Variants in LRRC4C observed in about 807,000 individuals in gnomAD.
LRRC4C encodes the protein leucine-rich repeat-containing protein 4C.
A neutral mutation model predicts 33.6 loss-of-function variants in LRRC4C; 5 were observed. The observed-to-expected ratio is 0.15, with a 90% CI of 0.08 to 0.31. LRRC4C has a LOEUF of 0.31. Among genes scored for constraint, LRRC4C ranks in the 10% least tolerant of loss-of-function variants. LRRC4C has a pLI of 1.00. For missense variants in LRRC4C, 560 were observed against 796.7 expected (o/e 0.70, Z 3.58); for synonymous variants, 329 against 302.0 (o/e 1.09, Z -0.93).
intron 2 of LRRC4C, among the ~76,000 whole-genome samples, chr11:40,894,765 T>C (rs1592018152): frequency 6.6e-6 from 1 of 152,096 alleles, no homozygotes; most frequent in Non-Finnish European, 1.5e-5. Context: ...TCTTCACCTA[T>C]CGACAGTCCA....
At chr11:40,326,096 A>G (rs1946089028) in intron 3 of LRRC4C, among the ~76,000 whole-genome samples, 1 of 151,234 alleles carries the variant, frequency 6.6e-6, no homozygotes, top group African/African-American at 2.4e-5. Flanking sequence ...ATTTTGTTGC[A>G]CTTAGGTTAT....
chr11:41,300,553 TTA>T (rs1347242234), intron 1 of LRRC4C, among the ~76,000 whole-genome samples: 1 of 152,182 alleles, frequency 6.6e-6, no homozygotes, highest in Non-Finnish European at 1.5e-5. Context: ...GTGTCAATCT[TTA>T]TGAACAATTC....
chr11:40,364,278 A>G (rs1199556975), intron 3 of LRRC4C, among the ~76,000 whole-genome samples: 5 of 152,144 alleles, frequency 3.3e-5, no homozygotes, highest in African/African-American at 1.2e-4. Flanking sequence ...CGTTGAGCTG[A>G]CCTAGACCAA....
intron 3 of LRRC4C, among the ~76,000 whole-genome samples, chr11:40,570,250 C>T (rs7944117): frequency 0.34 from 51,033 of 151,800 alleles, 8,716 homozygotes; most frequent in Middle Eastern, 0.4. Context: ...GTATATTTTA[C>T]ACACACCACT....
chr11:40,769,756 C>T (rs1439356614), intron 2 of LRRC4C, among the ~76,000 whole-genome samples: 1 of 152,050 alleles, frequency 6.6e-6, no homozygotes, highest in Non-Finnish European at 1.5e-5. Flanking sequence ...GTAAATGGTG[C>T]TAGAAATACT....
intron 2 of LRRC4C, among the ~76,000 whole-genome samples, chr11:40,779,213 A>G (rs1950125445): frequency 6.6e-6 from 1 of 151,942 alleles, no homozygotes; most frequent in African/African-American, 2.4e-5. Context: ...AAGAGAAGAG[A>G]CTCAAAGATG....
chr11:41,184,507 C>T (rs1269042781), intron 1 of LRRC4C, among the ~76,000 whole-genome samples: 2 of 152,136 alleles, frequency 1.3e-5, no homozygotes, highest in African/African-American at 4.8e-5. Context: ...ACTTTTGTTC[C>T]AGTTGCCAAC....
intron 1 of LRRC4C, among the ~76,000 whole-genome samples, chr11:41,212,588 CT>C (rs1946868577): frequency 6.6e-6 from 1 of 152,194 alleles, no homozygotes; most frequent in African/African-American, 2.4e-5. Context: ...CTTCCCACCC[CT>C]CCCCTCAACA....
intron 3 of LRRC4C, among the ~76,000 whole-genome samples, chr11:40,501,693 CA>C (rs1954781020): frequency 6.6e-6 from 1 of 152,138 alleles, no homozygotes; most frequent in African/African-American, 2.4e-5. Flanking sequence ...GCCCAGCCCA[CA>C]AGACCATTTT....
intron 3 of LRRC4C, among the ~76,000 whole-genome samples, chr11:40,595,920 A>T (rs1398538409): frequency 6.6e-6 from 1 of 152,166 alleles, no homozygotes; most frequent in Non-Finnish European, 1.5e-5. Flanking sequence ...ACGGGGTAGT[A>T]CTTGAAAAAC....
chr11:41,274,370 G>A (rs191477570), intron 1 of LRRC4C, among the ~76,000 whole-genome samples: 1 of 152,198 alleles, frequency 6.6e-6, no homozygotes, highest in Non-Finnish European at 1.5e-5. Context: ...AATCAGAAAA[G>A]TCACTACTAT....
At chr11:41,426,042 T>G (rs1183447162) in intron 1 of LRRC4C, among the ~76,000 whole-genome samples, 1 of 152,180 alleles carries the variant, frequency 6.6e-6, no homozygotes, top group Non-Finnish European at 1.5e-5. Flanking sequence ...GATAGATTTG[T>G]GACTTCACAG....
chr11:40,136,294 CT>C (rs1423056797), intron 6 of LRRC4C, among the ~76,000 whole-genome samples: 1 of 151,920 alleles, frequency 6.6e-6, no homozygotes, highest in African/African-American at 2.4e-5. Flanking sequence ...GATATGGAGT[CT>C]TCGCTCTGTC....
intron 2 of LRRC4C, among the ~76,000 whole-genome samples, chr11:40,790,876 C>G (rs1002686812): frequency 2.6e-5 from 4 of 152,152 alleles, no homozygotes; most frequent in Admixed American, 2.6e-4. Context: ...ATTTTTGTTT[C>G]TCTCTGATGG....
chr11:41,350,398 T>C (rs1193551122), intron 1 of LRRC4C, among the ~76,000 whole-genome samples: 2 of 150,944 alleles, frequency 1.3e-5, no homozygotes, highest in Non-Finnish European at 2.9e-5. Context: ...TAGTCCCAGC[T>C]ACTCGGGAGG....
At chr11:40,608,225 G>T (rs1199722205) in intron 3 of LRRC4C, among the ~76,000 whole-genome samples, 1 of 152,132 alleles carries the variant, frequency 6.6e-6, no homozygotes, top group Non-Finnish European at 1.5e-5. Context: ...ATTCAAAGCT[G>T]TAATTCGTGA....
intron 1 of LRRC4C, among the ~76,000 whole-genome samples, chr11:41,246,239 G>A (rs573800989): frequency 6.6e-6 from 1 of 152,086 alleles, no homozygotes; most frequent in Admixed American, 6.5e-5. Context: ...CAGGCTCATC[G>A]GCACCCAAAG....
intron 1 of LRRC4C, among the ~76,000 whole-genome samples, chr11:41,173,025 A>C (rs1255520656): frequency 6.6e-6 from 1 of 152,132 alleles, no homozygotes; most frequent in Non-Finnish European, 1.5e-5. Flanking sequence ...GGAATCCATC[A>C]CCAATAGAGT....
At chr11:40,886,406 T>TACACACACACACACACACACAC (rs10629266) in intron 2 of LRRC4C, among the ~76,000 whole-genome samples, 1 of 145,450 alleles carries the variant, frequency 6.9e-6, no homozygotes, top group Non-Finnish European at 1.5e-5. Flanking sequence ...TTTCAAATGC[T>TACACACACACACACACACACAC]ACACACACAC....
Sources: allele counts gnomAD v4.1 joint callset (sites outside exome capture counted in the v4.1 genomes callset), GRCh38; gene constraint gnomAD v4.1.1; transcripts MANE v1.5; gene names NCBI Gene and HGNC (gene_info 2026-07-23, HGNC 2026-07-21).